WNT3: variants seen among roughly 807,000 people sequenced by gnomAD.
WNT3 encodes Wnt family member 3.
WNT3 carries 7 observed loss-of-function variants against 34.2 expected under a neutral mutation model. The observed-to-expected ratio is 0.20, with a 90% CI of 0.12 to 0.38. WNT3 has a LOEUF of 0.38. Among genes scored for constraint, WNT3 ranks in the 10% least tolerant of loss-of-function variants. The pLI is 1.00. For synonymous variants in WNT3, 212 were observed against 211.5 expected (o/e 1.00, Z -0.02); for missense variants, 267 against 499.8 (o/e 0.53, Z 4.44).
At chr17:46,771,209 C>G (rs913134835) in intron 2 of WNT3, among the ~76,000 whole-genome samples, 6 of 152,214 alleles carry the variant, frequency 3.9e-5, no homozygotes, top group Middle Eastern at 3.2e-3. Flanking sequence ...GAGTGCAGAG[C>G]TGGTCCCGCC....
rs933868020 is a variant in WNT3 at position 46,812,819 on chromosome 17, T to C, written c.80+5699A>G. ...CTTCAGTGAGCCAATAGCTTGCAGATAGGAGGTGAAAATAGCTAACATCGA... is the reference window on the plus strand; with the variant it reads ...CTTCAGTGAGCCAATAGCTTGCAGACAGGAGGTGAAAATAGCTAACATCGA... On this transcript the variant is annotated intron_variant, in intron 1 of 4. Transcript: ENST00000225512. Among the ~76,000 whole-genome samples, 8 of 152,244 alleles carry C rather than the reference T, an allele frequency of 5.3e-5. No individual in the cohort carries two copies. In the East Asian group the frequency reaches 1.2e-3, roughly 22 times the overall value.
rs2059284896 is a variant in WNT3 at position 46,763,405 on chromosome 17, G to C, written c.*1225C>G. ...GGTTCCCCTTTGAACTTCTAATCCA[G>C]ATCCTTGGGAACTGCATGGATGGAA... On this transcript the variant is annotated 3_prime_UTR_variant, in exon 5 of 5. Transcript: ENST00000225512. 6.6e-6 allele frequency: 1 copy of C among 152,186 alleles called. No individual in the cohort carries two copies. The highest frequency in any genetic ancestry group is 1.5e-5 in the Non-Finnish European group (1 of 68,048). The allele number at this position is 152,186 out of a possible 1,614,324, so 9.4% of individuals were successfully genotyped here.
intron 1 of WNT3, 92 bp from the exon 2 acceptor site, chr17:46,774,001 G>A: frequency 5.2e-6 from 8 of 1,525,730 alleles, no homozygotes; most frequent in Non-Finnish European, 7.0e-6. Flanking sequence ...TCCGGGGTAG[G>A]TGGAGAGGCA....
intron 1 of WNT3, among the ~76,000 whole-genome samples, chr17:46,791,989 G>A (rs1379057610): frequency 6.6e-6 from 1 of 152,164 alleles, no homozygotes; most frequent in African/African-American, 2.4e-5. Context: ...GTAGTAAGCT[G>A]TGATTGCACC....
At chr17:46,791,825 A>C (rs1204087495) in intron 1 of WNT3, among the ~76,000 whole-genome samples, 1 of 152,228 alleles carries the variant, frequency 6.6e-6, no homozygotes, top group Non-Finnish European at 1.5e-5. Context: ...GGATCACCTG[A>C]GGCCAGGAAT....
At chr17:46,808,741 T>C (rs2084229999) in intron 1 of WNT3, among the ~76,000 whole-genome samples, 2 of 152,088 alleles carry the variant, frequency 1.3e-5, no homozygotes, top group African/African-American at 4.8e-5. Context: ...TCGTGTGAAC[T>C]GGTGAACATG....
At chr17:46,771,934 G>C (rs2059377386) in intron 2 of WNT3, among the ~76,000 whole-genome samples, 1 of 143,708 alleles carries the variant, frequency 7.0e-6, no homozygotes, top group African/African-American at 2.5e-5. Flanking sequence ...GGCCCGCCGC[G>C]CCGCCGCCGC....
At chr17:46,818,217 G>T (rs1317801893) in intron 1 of WNT3, among the ~76,000 whole-genome samples, 1 of 152,076 alleles carries the variant, frequency 6.6e-6, no homozygotes, top group East Asian at 1.9e-4. Flanking sequence ...GGTCTTCGGG[G>T]GCCTCTAGAT....
intron 1 of WNT3, among the ~76,000 whole-genome samples, chr17:46,797,534 A>T (rs1297351568): frequency 6.6e-6 from 1 of 152,228 alleles, no homozygotes; most frequent in Non-Finnish European, 1.5e-5. Flanking sequence ...TGGGAAAAAC[A>T]ATCTCAAAGA....
At chr17:46,771,313 C>A (rs1023627143) in intron 2 of WNT3, among the ~76,000 whole-genome samples, 1 of 152,134 alleles carries the variant, frequency 6.6e-6, no homozygotes, top group Admixed American at 6.5e-5. Context: ...CTCGGGGTCC[C>A]AGCCGCGCCG....
chr17:46,768,189 G>A lies in WNT3; in HGVS notation c.*8+123C>T. 3 of 1,413,908 alleles carry A rather than the reference G, an allele frequency of 2.1e-6. No individual in the cohort carries two copies. The highest frequency in any genetic ancestry group is 1.2e-5 in the South Asian group (1 of 80,536). 87.6% of individuals were successfully genotyped at this position (1,413,908 alleles called of 1,614,324 possible). Reference sequence around the variant, plus strand: ...AATCCTAGCTTCCTATTTTGGCTGTGGGAACTTGTGTGTCTTGGATAGCTT... The same window carrying A: ...AATCCTAGCTTCCTATTTTGGCTGTAGGAACTTGTGTGTCTTGGATAGCTT... On this transcript the variant is annotated intron_variant, in intron 4 of 4. Transcript: ENST00000225512. The surrounding 1 kb of genome is among the most constrained non-coding windows in gnomAD (Gnocchi z 5.0).
intron 4 of WNT3, among the ~76,000 whole-genome samples, chr17:46,767,649 C>G (rs2059325428): frequency 6.6e-6 from 1 of 152,218 alleles, no homozygotes; most frequent in African/African-American, 2.4e-5. Context: ...TTCCAGCCCC[C>G]CATCTCCAAA....
At chr17:46,787,209 G>A (rs1011181622) in intron 1 of WNT3, among the ~76,000 whole-genome samples, 6 of 151,906 alleles carry the variant, frequency 3.9e-5, no homozygotes, top group African/African-American at 1.5e-4. Context: ...CCCAAGTGCT[G>A]GGATTACAGG....
At chr17:46,773,950 C>T (rs772798594) in intron 1 of WNT3, 41 bp from the exon 2 acceptor site, 20 of 1,599,970 alleles carry the variant, frequency 1.3e-5, no homozygotes, top group Non-Finnish European at 1.6e-5. Flanking sequence ...GGGCACAAAG[C>T]ACAGAGCCCA....
chr17:46,768,198 T>C lies in WNT3; in HGVS notation c.*8+114A>G, dbSNP rs2059331572. On this transcript the variant is annotated intron_variant, in intron 4 of 4. Transcript: ENST00000225512. This position sits in a 1 kb window ranked among gnomAD's most constrained non-coding sequence, Gnocchi z 5.0. ...TTCCTATTTTGGCTGTGGGAACTTGTGTGTCTTGGATAGCTTAGAAACAGA... is the reference window on the plus strand; with the variant it reads ...TTCCTATTTTGGCTGTGGGAACTTGCGTGTCTTGGATAGCTTAGAAACAGA... 2.0e-6 allele frequency: 3 copies of C among 1,477,048 alleles called. No homozygotes were observed. The highest frequency in any genetic ancestry group is 2.0e-5 in the Admixed American group (1 of 50,674). 91.5% of individuals were successfully genotyped at this position (1,477,048 alleles called of 1,614,324 possible). A position where few individuals can be genotyped will look rare whatever the true frequency, so the allele number is the denominator to read the frequency against.
intron 1 of WNT3, among the ~76,000 whole-genome samples, chr17:46,808,392 T>C (rs2084224545): frequency 6.6e-6 from 1 of 152,226 alleles, no homozygotes; most frequent in Non-Finnish European, 1.5e-5. Flanking sequence ...AGGTCAAGTG[T>C]AAACTTGTCT....
chr17:46,789,993 C>T (rs958643804), intron 1 of WNT3, among the ~76,000 whole-genome samples: 4 of 152,152 alleles, frequency 2.6e-5, no homozygotes, highest in African/African-American at 9.7e-5. Flanking sequence ...TGAAGACAGC[C>T]CTGCCCAGCA....
chr17:46,788,991 G>T (rs886101487), intron 1 of WNT3, among the ~76,000 whole-genome samples: 1 of 152,204 alleles, frequency 6.6e-6, no homozygotes, highest in Non-Finnish European at 1.5e-5. Context: ...GTGCTGCTTG[G>T]CTGGGAGCTC....
intron 1 of WNT3, 76 bp downstream of exon 1, chr17:46,818,442 C>A (rs966737723): frequency 6.8e-7 from 1 of 1,465,826 alleles, no homozygotes; most frequent in Non-Finnish European, 9.3e-7. Context: ...CAGCGGCCCA[C>A]CCCCAGCCGG....
Sources: allele counts gnomAD v4.1 joint callset (sites outside exome capture counted in the v4.1 genomes callset), GRCh38; gene constraint gnomAD v4.1.1; non-coding constraint Gnocchi (gnomAD v3.1); transcripts MANE v1.5; gene names NCBI Gene and HGNC (gene_info 2026-07-23, HGNC 2026-07-21).